Variants in HTR1E observed in about 807,000 individuals in gnomAD.
HTR1E encodes the protein 5-HT-1E.
HTR1E carries 3 observed loss-of-function variants against 3.4 expected under a neutral mutation model. The observed-to-expected ratio is 0.89, with a 90% CI of 0.41 to 2.31. The LOEUF (loss-of-function observed/expected upper bound fraction) is 2.31, where lower values mean the gene tolerates loss of function less well. HTR1E is among the 30% of genes most tolerant of loss of function. HTR1E has a pLI of 0.05. For synonymous variants in HTR1E, 170 were observed against 182.8 expected (o/e 0.93, Z 0.56); for missense variants, 392 against 467.0 (o/e 0.84, Z 1.48).
At chr6:86,993,349 A>C (rs1358539385) in intron 1 of HTR1E, among the ~76,000 whole-genome samples, 4 of 152,116 alleles carry the variant, frequency 2.6e-5, no homozygotes, top group African/African-American at 9.7e-5. Context: ...TAACCAATGC[A>C]TTGTGAAATC....
At position 87,015,093 on chromosome 6, in the gene HTR1E, T is replaced by G. The variant is rs185018877; in HGVS notation, c.-185-57T>G. The G allele has an allele frequency of 1.1e-3, 371 of 339,002 alleles. 1 individual carries two copies. The highest frequency in any genetic ancestry group is 7.3e-3 in the African/African-American group (348 of 47,574). 21.0% of individuals were successfully genotyped at this position (339,002 alleles called of 1,614,324 possible). ...TTATAAATATCAAACTATTTTCATG[T>G]TTTCCAGGAAAAGTGTGGCTTTCTC... On this transcript the variant is annotated intron_variant, in intron 1 of 1. Coordinates refer to ENST00000305344, the MANE Select transcript of HTR1E (RefSeq NM_000865.3).
At chr6:86,945,281 C>T (rs1005348307) in intron 1 of HTR1E, among the ~76,000 whole-genome samples, 3 of 152,154 alleles carry the variant, frequency 2.0e-5, no homozygotes, top group African/African-American at 7.2e-5. Context: ...GAGTCTCAGT[C>T]GCCCAGGCTG....
chr6:86,941,386 C>T (rs1460893657), intron 1 of HTR1E, among the ~76,000 whole-genome samples: 1 of 152,158 alleles, frequency 6.6e-6, no homozygotes, highest in East Asian at 1.9e-4. Context: ...CTTATTTTGT[C>T]TCATGCACTG....
In HTR1E at chr6:87,016,223, C is replaced by T; in HGVS notation, c.889C>T (p.Leu297=). 1.2e-6 allele frequency: 2 copies of T among 1,614,132 alleles called. No individual in the cohort carries two copies. Among genetic ancestry groups the T allele is most frequent in the Non-Finnish European group, 1.7e-6 (2 of 1,180,010 alleles). The part of the protein sequence containing the change: ...RKAARILGLI[L]GAFILSWLPF... ...GGCAGCACGCATCCTGGGGCTGATT[C>T]TGGGTGCATTCATTTTATCCTGGCT... is the stretch of plus-strand genomic sequence containing the variant. The change falls in exon 2 of 2, where the codon CTG becomes TTG. Residue 297 remains leucine (L), a synonymous_variant. Coordinates refer to ENST00000305344, the MANE Select transcript of HTR1E (RefSeq NM_000865.3).
At chr6:86,940,718 C>A (rs1768534279) in intron 1 of HTR1E, among the ~76,000 whole-genome samples, 1 of 152,038 alleles carries the variant, frequency 6.6e-6, no homozygotes, top group Non-Finnish European at 1.5e-5. Flanking sequence ...TCTGCACTAC[C>A]CTTTAAAAGT....
intron 1 of HTR1E, among the ~76,000 whole-genome samples, chr6:86,960,583 C>G (rs1582261520): frequency 6.6e-6 from 1 of 152,274 alleles, no homozygotes; most frequent in East Asian, 1.9e-4. Context: ...CAATCAAGAT[C>G]CATTGAGCTG....
intron 1 of HTR1E, among the ~76,000 whole-genome samples, chr6:86,984,053 T>A (rs1046878959): frequency 1.3e-5 from 2 of 152,172 alleles, no homozygotes; most frequent in Non-Finnish European, 2.9e-5. Flanking sequence ...GGAGGTACTC[T>A]AGAAAAGTTT....
intron 1 of HTR1E, among the ~76,000 whole-genome samples, chr6:86,987,467 G>A (rs1371570595): frequency 6.6e-6 from 1 of 151,898 alleles, no homozygotes; most frequent in Non-Finnish European, 1.5e-5. Flanking sequence ...AGCTTTATCA[G>A]CACTACCCAA....
intron 1 of HTR1E, among the ~76,000 whole-genome samples, chr6:86,949,069 ATTTGTCTT>A: frequency 6.6e-6 from 1 of 152,318 alleles, no homozygotes; most frequent in East Asian, 1.9e-4. Context: ...GATTTCTGTC[ATTTGTCTT>A]TTAAAAGGTC....
At chr6:86,988,023 T>G (rs1421417805) in intron 1 of HTR1E, among the ~76,000 whole-genome samples, 1 of 152,188 alleles carries the variant, frequency 6.6e-6, no homozygotes, top group East Asian at 1.9e-4. Context: ...GTATCCATAT[T>G]ATCTAATTTG....
At chr6:87,010,291 G>A (rs1458618376) in intron 1 of HTR1E, among the ~76,000 whole-genome samples, 6 of 112,790 alleles carry the variant, frequency 5.3e-5, no homozygotes, top group African/African-American at 2.0e-4. Context: ...CCTCCCGGAC[G>A]GGGCGGCTGG....
At chr6:86,999,752 AG>A (rs1223983472) in intron 1 of HTR1E, among the ~76,000 whole-genome samples, 2 of 152,164 alleles carry the variant, frequency 1.3e-5, no homozygotes, top group East Asian at 3.8e-4. Flanking sequence ...TTTTTACCTG[AG>A]GTAGCTTGAG....
At chr6:87,005,337 T>A (rs1162168233) in intron 1 of HTR1E, among the ~76,000 whole-genome samples, 1 of 152,192 alleles carries the variant, frequency 6.6e-6, no homozygotes, top group Non-Finnish European at 1.5e-5. Context: ...GATTTCAAGT[T>A]ATATTACAGA....
At chr6:86,998,158 C>T (rs1027652741) in intron 1 of HTR1E, among the ~76,000 whole-genome samples, 10 of 152,006 alleles carry the variant, frequency 6.6e-5, no homozygotes, top group African/African-American at 2.2e-4. Context: ...GATTTTAACA[C>T]AATTTCCTCA....
intron 1 of HTR1E, among the ~76,000 whole-genome samples, chr6:86,941,306 T>C (rs1768541757): frequency 6.6e-6 from 1 of 152,210 alleles, no homozygotes; most frequent in Non-Finnish European, 1.5e-5. Context: ...TCACAACAAA[T>C]TGATAAAATT....
intron 1 of HTR1E, among the ~76,000 whole-genome samples, chr6:86,961,881 T>C (rs921954291): frequency 6.6e-6 from 1 of 152,232 alleles, no homozygotes; most frequent in African/African-American, 2.4e-5. Context: ...TAAATTCAGC[T>C]CCTTTGCAGA....
rs141464472 is a variant in HTR1E, at chr6:86,983,472, C to T, written c.-185-31678C>T. Among the ~76,000 whole-genome samples, 367 of 152,084 alleles carry T rather than the reference C, an allele frequency of 2.4e-3. 4 individuals are homozygous for T. Among genetic ancestry groups the T allele is most frequent in the Non-Finnish European group, 4.9e-4 (33 of 67,978 alleles). Reference sequence around the variant, plus strand: ...GCTCTTAATTAAAATTATTGAGTCACGTGAATATACTGAATAAAATGGTGG... The same window carrying T: ...GCTCTTAATTAAAATTATTGAGTCATGTGAATATACTGAATAAAATGGTGG... On this transcript the variant is annotated intron_variant, in intron 1 of 1. Transcript: ENST00000305344.
chr6:86,958,057 A>ATT (rs1247030477), intron 1 of HTR1E, among the ~76,000 whole-genome samples: 7,200 of 131,182 alleles, frequency 0.055, 257 homozygotes, highest in Middle Eastern at 0.083. Flanking sequence ...CAATAGAGGC[A>ATT]TTTTTTTTTT....
At chr6:86,955,434 A>T (rs1406247338) in intron 1 of HTR1E, among the ~76,000 whole-genome samples, 1 of 152,222 alleles carries the variant, frequency 6.6e-6, no homozygotes, top group East Asian at 1.9e-4. Flanking sequence ...GGCACGGGTC[A>T]TTTCATGTCC....
Sources: allele counts gnomAD v4.1 joint callset (sites outside exome capture counted in the v4.1 genomes callset), GRCh38; gene constraint gnomAD v4.1.1; transcripts MANE v1.5; gene names NCBI Gene and HGNC (gene_info 2026-07-23, HGNC 2026-07-21).